The following FAM20A variants were observed in gnomAD, a reference collection of about 807,000 sequenced individuals.
FAM20A encodes the protein pseudokinase FAM20A.
In FAM20A, 42 loss-of-function variants were observed where a neutral mutation model predicts 52.0. The observed-to-expected ratio is 0.81, with a 90% CI of 0.63 to 1.04. FAM20A has a LOEUF of 1.04. Among genes scored for constraint, FAM20A ranks in the 50% least tolerant of loss-of-function variants. The pLI, the probability that FAM20A is intolerant of heterozygous loss-of-function variation, is 0.00. For synonymous variants in FAM20A, 304 were observed against 298.9 expected (o/e 1.02, Z -0.18); for missense variants, 742 against 712.7 (o/e 1.04, Z -0.47).
intron 1 of FAM20A, among the ~76,000 whole-genome samples, chr17:68,577,035 T>C (rs2087790713): frequency 6.6e-6 from 1 of 152,190 alleles, no homozygotes; most frequent in Non-Finnish European, 1.5e-5. Flanking sequence ...GCAGATGCCT[T>C]CTATCCGGGC....
chr17:68,558,065 G>T (rs781383749), intron 1 of FAM20A, among the ~76,000 whole-genome samples: 8 of 152,228 alleles, frequency 5.3e-5, no homozygotes, highest in African/African-American at 1.9e-4. Flanking sequence ...AAGTCCAAAA[G>T]ATCCAGGGCA....
At chr17:68,554,352 C>T (rs12945634) in intron 3 of FAM20A, among the ~76,000 whole-genome samples, 24,913 of 152,116 alleles carry the variant, frequency 0.16, 2,095 homozygotes, top group South Asian at 0.18. Flanking sequence ...CCACCCGCCT[C>T]GGACTCCCAG....
intron 1 of FAM20A, among the ~76,000 whole-genome samples, chr17:68,577,695 C>T (rs900212931): frequency 8.5e-5 from 13 of 152,194 alleles, no homozygotes; most frequent in African/African-American, 3.1e-4. Context: ...ATGGATTTTG[C>T]ACTCGGTGTA....
chr17:68,573,119 TA>T (rs1402595141), intron 1 of FAM20A, among the ~76,000 whole-genome samples: 1 of 152,216 alleles, frequency 6.6e-6, no homozygotes, highest in African/African-American at 2.4e-5. Flanking sequence ...GCTGTATCTG[TA>T]AATCAGAGTC....
At chr17:68,568,297 G>A (rs961669341) in intron 1 of FAM20A, among the ~76,000 whole-genome samples, 4 of 151,622 alleles carry the variant, frequency 2.6e-5, no homozygotes, top group Non-Finnish European at 5.9e-5. Context: ...GTGAAACCCC[G>A]TCTCTACTAA....
At position 68,570,297 on chromosome 17, in the gene FAM20A, C is replaced by T. The variant is rs1229445196; in HGVS notation, c.405-14554G>A. ...CACCATTTGTCAGGCTGGTCTTGAA[C>T]TCCTGACCTCAAGAGACCTGCCTGC... On this transcript the variant is annotated intron_variant, in intron 1 of 10. Coordinates refer to ENST00000592554, the MANE Select transcript of FAM20A (RefSeq NM_017565.4). 2.0e-5 allele frequency among the ~76,000 whole-genome samples: 3 copies of T among 152,312 alleles called. No individual in the cohort carries two copies. The East Asian group carries it at 5.8e-4, about 29-fold the overall frequency.
intron 1 of FAM20A, among the ~76,000 whole-genome samples, chr17:68,594,405 A>C (rs1489963712): frequency 2.0e-5 from 3 of 152,130 alleles, no homozygotes; most frequent in East Asian, 3.8e-4. Context: ...TCTCAAAAAA[A>C]AAAAAACAAA....
chr17:68,563,851 C>T (rs1376446696), intron 1 of FAM20A, among the ~76,000 whole-genome samples: 2 of 152,170 alleles, frequency 1.3e-5, no homozygotes, highest in Non-Finnish European at 2.9e-5. Context: ...CTAGCATTAA[C>T]CTTTCTTTGA....
intron 1 of FAM20A, among the ~76,000 whole-genome samples, chr17:68,575,650 TTATA>T (rs1408269659): frequency 8.6e-6 from 1 of 115,706 alleles, no homozygotes; most frequent in Non-Finnish European, 1.7e-5. Context: ...ATATTATATT[TTATA>T]TATATTTTAT....
chr17:68,599,574 A>C (rs902971848), intron 1 of FAM20A, among the ~76,000 whole-genome samples: 19 of 152,220 alleles, frequency 1.2e-4, no homozygotes, highest in African/African-American at 4.6e-4. Context: ...AGTCCAAATC[A>C]CCAGGATCAT....
At chr17:68,585,292 C>CT (rs143030574) in intron 1 of FAM20A, among the ~76,000 whole-genome samples, 184 of 144,612 alleles carry the variant, frequency 1.3e-3, no homozygotes, top group South Asian at 4.6e-3. Context: ...AAATCTATTT[C>CT]TTTTTTTTTT....
chr17:68,577,037 T>A (rs1005969155), intron 1 of FAM20A, among the ~76,000 whole-genome samples: 7 of 152,220 alleles, frequency 4.6e-5, no homozygotes, highest in Non-Finnish European at 7.3e-5. Context: ...AGATGCCTTC[T>A]ATCCGGGCCA....
chr17:68,556,901 T>C (rs923692389), intron 1 of FAM20A, among the ~76,000 whole-genome samples: 2 of 152,074 alleles, frequency 1.3e-5, no homozygotes, highest in Admixed American at 1.3e-4. Context: ...AAAACAAACA[T>C]GGCAGATTTG....
intron 1 of FAM20A, among the ~76,000 whole-genome samples, chr17:68,585,683 C>T (rs1418451626): frequency 6.6e-6 from 1 of 152,190 alleles, no homozygotes; most frequent in Non-Finnish European, 1.5e-5. Flanking sequence ...GCCTGCTGCC[C>T]TTTCCTCTGG....
chr17:68,550,025 T>C (rs1280477117), intron 4 of FAM20A, among the ~76,000 whole-genome samples: 2 of 152,200 alleles, frequency 1.3e-5, no homozygotes, highest in South Asian at 2.1e-4. Flanking sequence ...CTGGAATGAC[T>C]TGACTTTGCG....
intron 1 of FAM20A, among the ~76,000 whole-genome samples, chr17:68,556,653 A>C (rs2087059332): frequency 6.6e-6 from 1 of 152,116 alleles, no homozygotes; most frequent in African/African-American, 2.4e-5. Flanking sequence ...TTTGAGAGGT[A>C]GGCAAGAAAC....
chr17:68,563,934 A>G (rs548033830), intron 1 of FAM20A, among the ~76,000 whole-genome samples: 16 of 152,324 alleles, frequency 1.1e-4, no homozygotes, highest in African/African-American at 3.6e-4. Flanking sequence ...GGTTGGTGAC[A>G]ATGATGACAA....
Position 68,600,577 on chromosome 17 carries a change from T to G in FAM20A, c.90A>C (p.Gln30His). Residue 30 changes from glutamine (Q) to histidine (H), a missense_variant, in exon 1 of 11, where the codon CAA (glutamine) becomes CAC (histidine). Transcript: ENST00000592554. This position sits in a 1 kb window ranked among gnomAD's most constrained non-coding sequence, Gnocchi z 6.2. ...SADLYFHLWP[Q>H]VQRQLRPRER... ...CCCGAGGCCGCAGCTGGCGCTGTAC[T>G]TGGGGCCAGAGGTGGAAGTAGAGGT... 1 of 1,560,538 alleles carries G rather than the reference T, an allele frequency of 6.4e-7. No individual in the cohort carries two copies. The highest frequency in any genetic ancestry group is 8.7e-7 in the Non-Finnish European group (1 of 1,153,696).
chr17:68,542,656 T>C, intron 6 of FAM20A, 38 bp downstream of exon 6: 1 of 1,516,600 alleles, frequency 6.6e-7, no homozygotes, highest in South Asian at 1.1e-5. Flanking sequence ...GCTTACGATC[T>C]ACTCAGACCC....
Sources: gnomAD v4.1 joint callset for allele counts (sites outside exome capture counted in the v4.1 genomes callset) on GRCh38, gnomAD v4.1.1 for gene constraint, Gnocchi (gnomAD v3.1) non-coding constraint, MANE v1.5 for transcripts, NCBI Gene and HGNC (gene_info 2026-07-23, HGNC 2026-07-21) for gene names.